NTNG1: variants seen among roughly 807,000 people sequenced by gnomAD.
The protein encoded by NTNG1 is netrin-G1.
NTNG1 carries 16 observed loss-of-function variants against 54.0 expected under a neutral mutation model. The observed-to-expected ratio is 0.30, with a 90% CI of 0.20 to 0.45. The LOEUF is 0.45. NTNG1 is among the 20% of genes least tolerant of loss of function. The pLI, the probability that NTNG1 is intolerant of heterozygous loss-of-function variation, is 1.00. For missense variants in NTNG1, 530 were observed against 678.7 expected (o/e 0.78, Z 2.43); for synonymous variants, 255 against 263.1 (o/e 0.97, Z 0.30).
intron 3 of NTNG1, among the ~76,000 whole-genome samples, chr1:107,352,174 G>A (rs180898987): frequency 4.3e-4 from 65 of 152,296 alleles, no homozygotes; most frequent in African/African-American, 1.5e-3. Flanking sequence ...CTACAGTTAT[G>A]GGCTCTGGAG....
chr1:107,417,298 G>C (rs1328201), intron 5 of NTNG1, among the ~76,000 whole-genome samples: 65,872 of 151,488 alleles, frequency 0.43, 14,499 homozygotes, highest in Middle Eastern at 0.51. Context: ...CACAGCGAAA[G>C]AGAGCAACAT....
At chr1:107,480,567 C>A in intron 7 of NTNG1, 44 bp from the exon 8 acceptor site, 1 of 624,526 alleles carries the variant, frequency 1.6e-6, no homozygotes, top group Non-Finnish European at 3.0e-6. Flanking sequence ...TTCTGCTTCT[C>A]CTCCCCGCGC....
At chr1:107,451,738 T>A (rs1419709908) in intron 7 of NTNG1, among the ~76,000 whole-genome samples, 1 of 152,168 alleles carries the variant, frequency 6.6e-6, no homozygotes, top group Non-Finnish European at 1.5e-5. Flanking sequence ...GGTTCATTAA[T>A]CAGCAACCAA....
At chr1:107,213,090 T>G (rs1659701331) in intron 2 of NTNG1, among the ~76,000 whole-genome samples, 1 of 151,738 alleles carries the variant, frequency 6.6e-6, no homozygotes. Context: ...TATTTTCATT[T>G]TAGCTGTTAA....
intron 4 of NTNG1, among the ~76,000 whole-genome samples, chr1:107,404,740 C>T (rs1168873175): frequency 1.3e-5 from 2 of 152,018 alleles, no homozygotes; most frequent in African/African-American, 4.8e-5. Flanking sequence ...TCATGGAGGC[C>T]TGTACAAAAT....
intron 2 of NTNG1, among the ~76,000 whole-genome samples, chr1:107,160,090 C>T (rs774444391): frequency 2.0e-5 from 3 of 152,142 alleles, no homozygotes; most frequent in Non-Finnish European, 4.4e-5. Flanking sequence ...TGGTTTTTTA[C>T]AGTATCAATA....
chr1:107,436,924 CT>C (rs1309799501), intron 7 of NTNG1, 125 bp downstream of exon 7: 8 of 845,480 alleles, frequency 9.5e-6, no homozygotes, highest in Non-Finnish European at 1.4e-5. Flanking sequence ...TTAAAAGCTA[CT>C]TAATGCTGCG....
intron 3 of NTNG1, among the ~76,000 whole-genome samples, chr1:107,328,039 A>G (rs1240608845): frequency 6.6e-6 from 1 of 152,144 alleles, no homozygotes; most frequent in Non-Finnish European, 1.5e-5. Context: ...GTGTAATCTC[A>G]TCATAAAAAA....
intron 2 of NTNG1, among the ~76,000 whole-genome samples, chr1:107,312,110 A>G (rs1667053146): frequency 6.6e-6 from 1 of 152,212 alleles, no homozygotes; most frequent in African/African-American, 2.4e-5. Context: ...AGATGGCAAT[A>G]CTATATGGCG....
At chr1:107,290,985 A>ATATG (rs10691896) in intron 2 of NTNG1, among the ~76,000 whole-genome samples, 1 of 139,480 alleles carries the variant, frequency 7.2e-6, no homozygotes, top group East Asian at 2.0e-4. Context: ...ATATATATAT[A>ATATG]CACACACACA....
intron 7 of NTNG1, among the ~76,000 whole-genome samples, chr1:107,437,294 G>T (rs977330083): frequency 6.6e-6 from 1 of 152,148 alleles, no homozygotes; most frequent in African/African-American, 2.4e-5. Flanking sequence ...TAAACGTGGG[G>T]TAAAATAAAT....
chr1:107,242,001 G>A (rs1035472297), intron 2 of NTNG1, among the ~76,000 whole-genome samples: 49 of 152,182 alleles, frequency 3.2e-4, no homozygotes, highest in African/African-American at 1.1e-3. Flanking sequence ...GGCCGGGCAT[G>A]GTGGCTCATA....
intron 2 of NTNG1, among the ~76,000 whole-genome samples, chr1:107,271,533 G>T (rs1664144174): frequency 6.6e-6 from 1 of 152,140 alleles, no homozygotes; most frequent in Admixed American, 6.5e-5. Context: ...AGACATCAAA[G>T]ATTTTAATAA....
At chr1:107,333,961 G>A (rs1206813224) in intron 3 of NTNG1, 1 of 151,330 alleles carries the variant, frequency 6.6e-6, no homozygotes, top group Non-Finnish European at 1.5e-5. Context: ...TAGTGAAATT[G>A]TGATGGAAGA....
chr1:107,380,650 T>C (rs945592507), intron 3 of NTNG1, among the ~76,000 whole-genome samples: 24 of 152,334 alleles, frequency 1.6e-4, no homozygotes, highest in Non-Finnish European at 3.2e-4. Context: ...TTTTCATATT[T>C]CCACAGCGAG....
chr1:107,307,086 G>T (rs1666737034), intron 2 of NTNG1, among the ~76,000 whole-genome samples: 1 of 152,200 alleles, frequency 6.6e-6, no homozygotes, highest in African/African-American at 2.4e-5. Flanking sequence ...GCTACAACAG[G>T]TTTGATACTA....
chr1:107,473,996 C>T (rs1171998413), intron 7 of NTNG1, among the ~76,000 whole-genome samples: 1 of 152,188 alleles, frequency 6.6e-6, no homozygotes, highest in Non-Finnish European at 1.5e-5. Context: ...ATATTGGATA[C>T]TCCATAAATG....
intron 2 of NTNG1, among the ~76,000 whole-genome samples, chr1:107,250,126 G>T (rs960919041): frequency 6.6e-6 from 1 of 152,166 alleles, no homozygotes; most frequent in Admixed American, 6.5e-5. Flanking sequence ...TTAGACATAG[G>T]TCCAGATTGT....
intron 2 of NTNG1, among the ~76,000 whole-genome samples, chr1:107,316,230 G>T (rs899347001): frequency 5.3e-5 from 8 of 152,106 alleles, no homozygotes; most frequent in Non-Finnish European, 1.2e-4. Context: ...CAAAGCAATC[G>T]GTGTTCCAGG....
Sources: gnomAD v4.1 joint callset for allele counts (sites outside exome capture counted in the v4.1 genomes callset) on GRCh38, gnomAD v4.1.1 for gene constraint, MANE v1.5 for transcripts, NCBI Gene and HGNC (gene_info 2026-07-23, HGNC 2026-07-21) for gene names.